SHOX2: variants seen among roughly 807,000 people sequenced by gnomAD.
SHOX2 encodes SHOX homeobox 2, also known as short stature homeobox protein 2.
Under a neutral mutation model 31.3 loss-of-function variants are expected in SHOX2, and 13 were observed. The ratio of observed to expected loss-of-function variants is 0.42; its 90% CI spans 0.27 to 0.66. SHOX2 has a LOEUF of 0.66. Among genes scored for constraint, SHOX2 ranks in the 30% least tolerant of loss-of-function variants. SHOX2 has a pLI of 0.27. For missense variants in SHOX2, 473 were observed against 443.0 expected (o/e 1.07, Z -0.61); for synonymous variants, 244 against 196.2 (o/e 1.24, Z -2.04).
chr3:158,103,209 C>G (rs1039014318), intron 1 of SHOX2: 8 of 446,230 alleles, frequency 1.8e-5, no homozygotes, highest in African/African-American at 1.4e-4. Flanking sequence ...CAGCAAACAC[C>G]AAATGGTTTC....
rs1419628330 is a variant in SHOX2 at position 158,105,118 on chromosome 3, G to A, written c.346+561C>T. 1.9e-6 allele frequency: 3 copies of A among 1,540,488 alleles called. No homozygotes were observed. In the East Asian group the frequency reaches 7.4e-5, roughly 38 times the overall value. On this transcript the variant is annotated intron_variant, in intron 1 of 4. Coordinates refer to ENST00000483851, the MANE Select transcript of SHOX2 (RefSeq NM_001163678.2). Reference sequence around the variant, plus strand: ...GTAGCCTGGACCTCAGCTTTCGTTGGCTTCCTTCTACCTTGAAAGAGAATG... The same window carrying A: ...GTAGCCTGGACCTCAGCTTTCGTTGACTTCCTTCTACCTTGAAAGAGAATG...
intron 1 of SHOX2, chr3:158,105,048 C>G (rs1197289955): frequency 8.8e-6 from 5 of 568,974 alleles, no homozygotes; most frequent in Non-Finnish European, 1.6e-5. Context: ...CCCCCCCGCC[C>G]CCAACACACC....
At position 158,105,805 on chromosome 3, in the gene SHOX2, C is replaced by T; in HGVS notation, c.220G>A (p.Gly74Ser). The T allele has an allele frequency of 6.8e-7, 1 of 1,480,260 alleles. No homozygotes were observed. The highest frequency in any genetic ancestry group is 8.9e-7 in the Non-Finnish European group (1 of 1,118,366). 91.7% of individuals were successfully genotyped at this position (1,480,260 alleles called of 1,614,324 possible). ...CCTCCTCCTCCTACACCTCCTCCGCCTCCTCCGCCGCCGCCTCCGCCTCCT... is the reference window on the plus strand; with the variant it reads ...CCTCCTCCTCCTACACCTCCTCCGCTTCCTCCGCCGCCGCCTCCGCCTCCT... ...GGGGGGGGGG[G>S]GGGVGGGGAG... The change falls in exon 1 of 5, where the codon GGC becomes AGC. Residue 74 changes from glycine to serine, a missense_variant. Transcript: ENST00000483851.
chr3:158,105,849 G>A lies in SHOX2; in HGVS notation c.176C>T (p.Ala59Val). 7.0e-7 allele frequency: 1 copy of A among 1,430,340 alleles called. No individual in the cohort carries two copies. 88.6% of individuals were successfully genotyped at this position (1,430,340 alleles called of 1,614,324 possible). A position where few individuals can be genotyped will look rare whatever the true frequency, so the allele number is the denominator to read the frequency against. ...GCCTCCTCCGCCGCCGCCTCCGCCG[G>A]CCGCCCGGACTGCCGGGCTGCTGCG... Reference protein sequence around the residue: ...DDRSSPAVRAAGGGGGGGGGG... With the variant: ...DDRSSPAVRAVGGGGGGGGGG... The change falls in exon 1 of 5, where the codon GCC (alanine) becomes GTC (valine). Residue 59 changes from alanine (A) to valine (V), a missense_variant. Transcript: ENST00000483851.
At chr3:158,098,702 C>A (rs1485750694) in intron 4 of SHOX2, among the ~76,000 whole-genome samples, 1 of 152,202 alleles carries the variant, frequency 6.6e-6, no homozygotes, top group African/African-American at 2.4e-5. Context: ...AAGCAAACTA[C>A]GCAACTTTTT....
chr3:158,105,588 C>T, intron 1 of SHOX2, 91 bp downstream of exon 1: 2 of 1,219,724 alleles, frequency 1.6e-6, no homozygotes, highest in South Asian at 2.7e-5. Flanking sequence ...TCCCTCTCCC[C>T]TCCCCGCTGG....
In SHOX2 at chr3:158,097,315, C is replaced by G. The variant is rs1210653880; in HGVS notation, c.*712G>C. Reference sequence around the variant, plus strand: ...ATTTCTCGTGTTAACGTGAACTTCGCAGAAAAAGGTCAGTTTCAAAACCTG... The same window carrying G: ...ATTTCTCGTGTTAACGTGAACTTCGGAGAAAAAGGTCAGTTTCAAAACCTG... On this transcript the variant is annotated 3_prime_UTR_variant, in exon 5 of 5. Coordinates refer to ENST00000483851, the MANE Select transcript of SHOX2 (RefSeq NM_001163678.2). The G allele has an allele frequency of 6.6e-6, 1 of 152,548 alleles. No homozygotes were observed. The highest frequency in any genetic ancestry group is 1.5e-5 in the Non-Finnish European group (1 of 68,028). 9.4% of individuals were successfully genotyped at this position (152,548 alleles called of 1,614,324 possible).
Position 158,098,194 on chromosome 3 carries a change from A to C in SHOX2, c.793T>G (p.Phe265Val). 6.2e-7 allele frequency: 1 copy of C among 1,613,842 alleles called. No individual in the cohort carries two copies. Among genetic ancestry groups the C allele is most frequent in the Non-Finnish European group, 8.5e-7 (1 of 1,179,876 alleles). ...HLAAHAPYMM[F>V]PAPPFGLPLA... The stretch of plus-strand genomic sequence containing the variant: ...GGCAGTCCGAAGGGCGGTGCTGGGA[A>C]CATCATGTAGGGCGCGTGCGCGGCC... The change falls in exon 5 of 5, where the codon TTC becomes GTC. Residue 265 changes from phenylalanine to valine, a missense_variant. This residue lies in a region of SHOX2 where 182 missense variants were observed against 167.2 expected (regional missense o/e 1.09). Transcript: ENST00000483851.
Position 158,098,041 on chromosome 3 carries a change from C to T in SHOX2, c.946G>A (p.Ala316Thr). Residue 316 changes from alanine (A) to threonine (T), a missense_variant, in exon 5 of 5, where the codon GCC (alanine) becomes ACC (threonine). Physicochemically the swap from Ala to Thr is moderately conservative, Grantham distance 58. Around this residue, in one of 3 missense-constraint regions of SHOX2, gnomAD observed 182 missense variants for 167.2 expected, o/e 1.09. Coordinates refer to ENST00000483851, the MANE Select transcript of SHOX2 (RefSeq NM_001163678.2). Reference sequence around the variant, plus strand: ...TGGCGTTGGCGTCACAGACCCAGGGCTGCGGCGTGCTTTTTGGCTTTCAGT... The same window carrying T: ...TGGCGTTGGCGTCACAGACCCAGGGTTGCGGCGTGCTTTTTGGCTTTCAGT... ...LRLKAKKHAA[A>T]LGL is the part of the protein sequence containing the mutation. The T allele has an allele frequency of 6.2e-7, 1 of 1,603,208 alleles. No homozygotes were observed. The highest frequency in any genetic ancestry group is 8.5e-7 in the Non-Finnish European group (1 of 1,173,482).
chr3:158,098,222 G>A lies in SHOX2; in HGVS notation c.765C>T (p.His255=). Residue 255 remains histidine (H), a synonymous_variant, in exon 5 of 5, where the codon CAC becomes CAT. Transcript: ENST00000483851. ...VAHAHHHLHP[H]LAAHAPYMMF... Reference sequence around the variant, plus strand: ...TCATGTAGGGCGCGTGCGCGGCCAGGTGCGGATGCAGGTGGTGGTGCGCGT... The same window carrying A: ...TCATGTAGGGCGCGTGCGCGGCCAGATGCGGATGCAGGTGGTGGTGCGCGT... 1 of 1,613,956 alleles carries A rather than the reference G, an allele frequency of 6.2e-7. No homozygotes were observed. The highest frequency in any genetic ancestry group is 8.5e-7 in the Non-Finnish European group (1 of 1,179,926).
At chr3:158,099,819 T>C (rs1158786364) in intron 4 of SHOX2, 41 bp downstream of exon 4, 2 of 1,430,544 alleles carry the variant, frequency 1.4e-6, no homozygotes, top group South Asian at 1.2e-5. Context: ...CATTCAGGTA[T>C]TTTCATATTT....
rs1240731584 is a variant in SHOX2, at chr3:158,098,012, G to A, written c.*15C>T. The A allele has an allele frequency of 6.3e-7, 1 of 1,576,996 alleles. No homozygotes were observed. Among genetic ancestry groups the A allele is most frequent in the South Asian group, 1.2e-5 (1 of 85,026 alleles). On this transcript the variant is annotated 3_prime_UTR_variant, in exon 5 of 5. Transcript: ENST00000483851. ...GTGCCGCGGGACAGGCGCGACATTG[G>A]TGCTGGCGTTGGCGTCACAGACCCA...
At chr3:158,105,237 A>G (rs1713811495) in intron 1 of SHOX2, 3 of 715,664 alleles carry the variant, frequency 4.2e-6, no homozygotes, top group Admixed American at 2.2e-5. Flanking sequence ...CGGAGGGTTA[A>G]GCTTTCCACC....
In SHOX2 at chr3:158,105,762, CCA is replaced by C. The variant is rs1713866633; in HGVS notation, c.261_262del (p.Gly88ArgfsTer66). The C allele has an allele frequency of 2.6e-6, 4 of 1,522,180 alleles. No homozygotes were observed. The highest frequency in any genetic ancestry group is 3.5e-6 in the Non-Finnish European group (4 of 1,135,930). The allele number at this position is 1,522,180 out of a possible 1,614,324, so 94.3% of individuals were successfully genotyped here. A position where few individuals can be genotyped will look rare whatever the true frequency, so the allele number is the denominator to read the frequency against. On this transcript the variant is annotated frameshift_variant, in exon 1 of 5. Transcript: ENST00000483851. LOFTEE classifies it high-confidence loss of function. ...CTCCCGGACGGGAGAGCGCCCTCCT[CCA>C]GCTCCTCCGCCTGCTCCTCCTCCTC... is the stretch of plus-strand genomic sequence containing the variant.
chr3:158,098,457 G>T, intron 4 of SHOX2, 173 bp from the exon 5 acceptor site: 1 of 772,288 alleles, frequency 1.3e-6, no homozygotes, highest in Non-Finnish European at 2.1e-6. Context: ...TCAGCCTGTT[G>T]CTGAATCTGG....
chr3:158,106,358 G>T lies in SHOX2; in HGVS notation c.-334C>A. 2.7e-6 allele frequency: 1 copy of T among 372,360 alleles called. No individual in the cohort carries two copies. Among genetic ancestry groups the T allele is most frequent in the Non-Finnish European group, 4.9e-6 (1 of 204,766 alleles). 23.1% of individuals were successfully genotyped at this position (372,360 alleles called of 1,614,324 possible). ...TGGGAACTGATGCTTCCCTGCCGGA[G>T]CGCGCTTGTTCAATGTTAAGATCTT... is the stretch of plus-strand genomic sequence containing the variant. On this transcript the variant is annotated 5_prime_UTR_variant, in exon 1 of 5. Transcript: ENST00000483851.
intron 3 of SHOX2, 152 bp from the exon 4 acceptor site, chr3:158,100,100 C>A: frequency 1.1e-6 from 1 of 925,608 alleles, no homozygotes; most frequent in Admixed American, 2.6e-5. Context: ...AACTTACTCC[C>A]AAACTTTAGG....
At chr3:158,104,931 C>T (rs1341481168) in intron 1 of SHOX2, 1 of 661,776 alleles carries the variant, frequency 1.5e-6, no homozygotes, top group Non-Finnish European at 2.7e-6. Context: ...TTTCCTAACA[C>T]TGAGCTAGCA....
chr3:158,104,711 A>G (rs1354358508), intron 1 of SHOX2, among the ~76,000 whole-genome samples: 1 of 152,196 alleles, frequency 6.6e-6, no homozygotes, highest in Non-Finnish European at 1.5e-5. Context: ...TTTGTCCCCA[A>G]ATTTCCAATT....
Sources: allele counts gnomAD v4.1 joint callset (sites outside exome capture counted in the v4.1 genomes callset), GRCh38; gene constraint gnomAD v4.1.1; regional missense constraint gnomAD v4.1.1; transcripts MANE v1.5; gene names NCBI Gene and HGNC (gene_info 2026-07-23, HGNC 2026-07-21).